Variants in FBN3 observed in about 807,000 individuals in gnomAD.
The protein encoded by FBN3 is fibrillin-3.
Under a neutral mutation model 330.1 loss-of-function variants are expected in FBN3, and 234 were observed. The ratio of observed to expected loss-of-function variants is 0.71; its 90% CI spans 0.64 to 0.79. FBN3 has a LOEUF of 0.79. Ranked by LOEUF, FBN3 falls within the 30% of genes least tolerant of loss-of-function variation. FBN3 has a pLI of 0.00. For synonymous variants in FBN3, 1,458 were observed against 1,517.3 expected (o/e 0.96, Z 0.91); for missense variants, 3,606 against 3,886.9 (o/e 0.93, Z 1.92).
Position 8,147,166 on chromosome 19 carries a change from C to T in FBN3, c.188G>A (p.Arg63Gln), listed in dbSNP as rs201244581. ...GCCTGGACAGCAGTAGGCATGGAACCGGGAGCCGCACACATTCGGCCTTCG... is the reference window on the plus strand; with the variant it reads ...GCCTGGACAGCAGTAGGCATGGAACTGGGAGCCGCACACATTCGGCCTTCG... ...ILQGPNVCGS[R>Q]FHAYCCPGWR... Residue 63 changes from arginine to glutamine, a missense_variant, in exon 3 of 64, where the codon CGG becomes CAG. Physicochemically the swap from Arg to Gln is conservative, Grantham distance 43. Coordinates refer to ENST00000600128, the MANE Select transcript of FBN3 (RefSeq NM_032447.5). The T allele has an allele frequency of 6.5e-5, 102 of 1,570,986 alleles. No individual in the cohort carries two copies. The East Asian group carries it at 1.5e-3, about 24-fold the overall frequency.
At chr19:8,147,071 GCC>G in intron 3 of FBN3, 31 bp downstream of exon 3, 1 of 1,531,204 alleles carries the variant, frequency 6.5e-7, no homozygotes. Context: ...CCCGGCCTGT[GCC>G]CCCCCACCTC....
chr19:8,123,755 C>T lies in FBN3; in HGVS notation c.2956+29G>A, dbSNP rs1443598911. On this transcript the variant is annotated intron_variant, in intron 23 of 63. Coordinates refer to ENST00000600128, the MANE Select transcript of FBN3 (RefSeq NM_032447.5). ...TATGCCGTGCCCCTCCCCATCCTTC[C>T]AGGGGCCTGACCCCTTCCCCAACCG... The T allele has an allele frequency of 5.0e-6, 8 of 1,608,338 alleles. No homozygotes were observed. The Admixed American group carries it at 1.2e-4, about 23-fold the overall frequency.
At chr19:8,145,241 G>C (rs1373914663) in intron 5 of FBN3, among the ~76,000 whole-genome samples, 2 of 151,982 alleles carry the variant, frequency 1.3e-5, no homozygotes, top group African/African-American at 4.8e-5. Context: ...AGGCATGGTG[G>C]CCGGCTCTTT....
At chr19:8,087,298 G>A (rs904151868) in intron 53 of FBN3, 87 bp from the exon 54 acceptor site, 28 of 1,428,382 alleles carry the variant, frequency 2.0e-5, no homozygotes, top group Middle Eastern at 2.6e-4. Flanking sequence ...TCAGCCCTGT[G>A]GGACCTGAGT....
Position 8,109,998 on chromosome 19 carries a change from T to C in FBN3, c.4334-245A>G, listed in dbSNP as rs1403920095. The stretch of plus-strand genomic sequence containing the variant: ...CCTGGCAGAGTTTTGTTCATTGAAC[T>C]CTACCTGCCCTGGGTTCCATGCAGT... On this transcript the variant is annotated intron_variant, in intron 34 of 63. Transcript: ENST00000600128. The surrounding 1 kb of genome is among the most constrained non-coding windows in gnomAD (Gnocchi z 5.2). Among the ~76,000 whole-genome samples the C allele has an allele frequency of 2.6e-5, 4 of 152,236 alleles. No homozygotes were observed. The highest frequency in any genetic ancestry group is 4.8e-5 in the African/African-American group (2 of 41,460).
At chr19:8,133,162 C>T (rs2144982301) in intron 13 of FBN3, 56 bp from the exon 14 acceptor site, 2 of 1,509,824 alleles carry the variant, frequency 1.3e-6, no homozygotes, top group Non-Finnish European at 1.8e-6. Flanking sequence ...GACCCTCTCT[C>T]TCCCTCCTCC....
chr19:8,066,272 G>A lies in FBN3; in HGVS notation c.8089-12C>T. 1.3e-6 allele frequency: 2 copies of A among 1,519,188 alleles called. No homozygotes were observed. Among genetic ancestry groups the A allele is most frequent in the Non-Finnish European group, 1.8e-6 (2 of 1,128,480 alleles). 94.1% of individuals were successfully genotyped at this position (1,519,188 alleles called of 1,614,324 possible). The stretch of plus-strand genomic sequence containing the variant: ...GTGGCCAGGTTCACCTGGGAAGAAA[G>A]GCCAGGTGTGTGGTCAGAGCCCAGG... On this transcript the variant is annotated splice_polypyrimidine_tract_variant and intron_variant, in intron 63 of 63. Coordinates refer to ENST00000600128, the MANE Select transcript of FBN3 (RefSeq NM_032447.5).
intron 10 of FBN3, among the ~76,000 whole-genome samples, chr19:8,136,879 T>TGGGCCTGGATCCCTCCAACCTG (rs2083295082): frequency 1.1e-5 from 1 of 87,034 alleles, no homozygotes; most frequent in Non-Finnish European, 2.3e-5. Context: ...CCCTCCAACC[T>TGGGCCTGGATCCCTCCAACCTG]GGGCCTGGAT....
chr19:8,084,501 A>T (rs1218388881), intron 56 of FBN3, among the ~76,000 whole-genome samples: 2 of 151,794 alleles, frequency 1.3e-5, no homozygotes, highest in Admixed American at 1.3e-4. Context: ...GCAAAACCTC[A>T]TCTTTACTGG....
chr19:8,082,366 TTTTCTTTC>T (rs150250049), intron 57 of FBN3, among the ~76,000 whole-genome samples: 1 of 146,834 alleles, frequency 6.8e-6, no homozygotes, highest in Non-Finnish European at 1.5e-5. Context: ...TCTCTTTCTT[TTTTCTTTC>T]TTTCTCTTCT....
intron 57 of FBN3, among the ~76,000 whole-genome samples, chr19:8,082,754 A>C (rs551715509): frequency 6.6e-6 from 1 of 151,348 alleles, no homozygotes; most frequent in South Asian, 2.1e-4. Flanking sequence ...TTGGCCTCCC[A>C]AAGTGCTGGG....
At chr19:8,095,733 C>A (rs2082194941) in intron 45 of FBN3, among the ~76,000 whole-genome samples, 1 of 152,182 alleles carries the variant, frequency 6.6e-6, no homozygotes, top group Non-Finnish European at 1.5e-5. Context: ...CCCTTAGCTG[C>A]ATCCTATGTA....
chr19:8,087,528 G>T (rs904100499), intron 53 of FBN3, among the ~76,000 whole-genome samples: 3 of 151,392 alleles, frequency 2.0e-5, no homozygotes, highest in African/African-American at 7.3e-5. Flanking sequence ...GGTCTCCCAC[G>T]CTTGACACTA....
rs539694267 is a variant in FBN3 at position 8,135,944 on chromosome 19, G to A, written c.1591+17C>T. The A allele has an allele frequency of 1.0e-4, 105 of 1,017,252 alleles. No homozygotes were observed. In the East Asian group the frequency reaches 1.3e-3, roughly 13 times the overall value. The allele number at this position is 1,017,252 out of a possible 1,614,324, so 63.0% of individuals were successfully genotyped here. ...GGGGCCCGGAAGCCCCTGCCCACCC[G>A]CCCACCCCCAACTCACCCACACAGT... is the stretch of plus-strand genomic sequence containing the variant. On this transcript the variant is annotated intron_variant, in intron 13 of 63. Transcript: ENST00000600128.
intron 24 of FBN3, among the ~76,000 whole-genome samples, chr19:8,122,175 A>G (rs1260021229): frequency 6.6e-6 from 1 of 151,992 alleles, no homozygotes; most frequent in African/African-American, 2.4e-5. Flanking sequence ...AGTTAATGCA[A>G]TAATAATTTT....
intron 37 of FBN3, 58 bp from the exon 38 acceptor site, chr19:8,106,291 G>T: frequency 1.3e-6 from 2 of 1,599,842 alleles, no homozygotes; most frequent in South Asian, 1.1e-5. Context: ...GGACTTAAGG[G>T]GCACCCACAC....
intron 24 of FBN3, 125 bp downstream of exon 24, chr19:8,123,339 A>G: frequency 1.9e-6 from 2 of 1,072,230 alleles, no homozygotes; most frequent in Non-Finnish European, 2.6e-6. Context: ...GGATAACAAG[A>G]GTAAAACTCC....
rs765855010 is a variant in FBN3, at chr19:8,096,917, G to A, written c.5377C>T (p.Arg1793Ter). 20 of 1,613,608 alleles carry A rather than the reference G, an allele frequency of 1.2e-5. No individual in the cohort carries two copies. The highest frequency in any genetic ancestry group is 1.6e-4 in the Middle Eastern group (1 of 6,082). The change falls in exon 43 of 64, where the codon CGA (arginine) becomes TGA (stop). Residue 1793 changes from arginine (R) to a stop codon, truncating the protein, a stop_gained. Transcript: ENST00000600128. LOFTEE classifies it high-confidence loss of function. This position sits in a 1 kb window ranked among gnomAD's most constrained non-coding sequence, Gnocchi z 4.6. ...CCGCCTGGCGACAGTTTGTACCCTC[G>A]GGTGCACTTGCAGCGGTAGCTACCG... ...IPGSYRCKCT[R>*]GYKLSPGGAC...
intron 46 of FBN3, 127 bp downstream of exon 46, chr19:8,095,243 ATTTTT>A (rs35426475): frequency 2.3e-6 from 2 of 853,968 alleles, no homozygotes; most frequent in Non-Finnish European, 3.3e-6. Flanking sequence ...AGTGCTGGGT[ATTTTT>A]TTTTTTAAAT....
Sources: gnomAD v4.1 joint callset for allele counts (sites outside exome capture counted in the v4.1 genomes callset) on GRCh38, gnomAD v4.1.1 for gene constraint, Gnocchi (gnomAD v3.1) non-coding constraint, MANE v1.5 for transcripts, NCBI Gene and HGNC (gene_info 2026-07-23, HGNC 2026-07-21) for gene names.